Variants in RNF150 observed in about 807,000 individuals in gnomAD.
RNF150 encodes the protein ring finger protein 150.
A neutral mutation model predicts 39.3 loss-of-function variants in RNF150; 24 were observed. The observed-to-expected ratio is 0.61, with a 90% CI of 0.44 to 0.86. The LOEUF is 0.86. RNF150 is among the 40% of genes least tolerant of loss of function. The pLI, the probability that RNF150 is intolerant of heterozygous loss-of-function variation, is 0.00. For missense variants in RNF150, 502 were observed against 587.8 expected (o/e 0.85, Z 1.51); for synonymous variants, 255 against 227.3 (o/e 1.12, Z -1.10).
rs1315231833 is a variant in RNF150 at position 141,132,837 on chromosome 4, C to T, written c.-29G>A. The T allele has an allele frequency of 6.3e-7, 1 of 1,583,312 alleles. No homozygotes were observed. On this transcript the variant is annotated 5_prime_UTR_variant, in exon 1 of 7. Transcript: ENST00000515673. The surrounding 1 kb of genome is among the most constrained non-coding windows in gnomAD (Gnocchi z 4.9). Reference sequence around the variant, plus strand: ...TATCCGCCGGGGCCCCCTCCCCGCCCCCGCGCCCTCCCTCCGTCCCGTCCC... The same window carrying T: ...TATCCGCCGGGGCCCCCTCCCCGCCTCCGCGCCCTCCCTCCGTCCCGTCCC...
intron 1 of RNF150, among the ~76,000 whole-genome samples, chr4:141,071,971 G>A (rs1737723861): frequency 1.3e-5 from 2 of 152,188 alleles, no homozygotes; most frequent in South Asian, 2.1e-4. Context: ...TTCTAGGGCA[G>A]TACTATTTAA....
chr4:141,081,976 C>G (rs1461777439), intron 1 of RNF150, among the ~76,000 whole-genome samples: 1 of 152,232 alleles, frequency 6.6e-6, no homozygotes, highest in South Asian at 2.1e-4. Context: ...GCATTCAATA[C>G]TGTTTCACTG....
intron 1 of RNF150, among the ~76,000 whole-genome samples, chr4:141,076,076 T>C (rs1410655039): frequency 6.6e-6 from 1 of 152,182 alleles, no homozygotes; most frequent in Non-Finnish European, 1.5e-5. Flanking sequence ...CATTAAAACA[T>C]TACATATCTT....
intron 1 of RNF150, among the ~76,000 whole-genome samples, chr4:141,172,292 C>T (rs1248042445): frequency 6.6e-6 from 1 of 152,134 alleles, no homozygotes; most frequent in African/African-American, 2.4e-5. Flanking sequence ...CTCTTACCAC[C>T]TAAGCTTGGA....
chr4:141,071,516 T>C (rs757981980), intron 1 of RNF150, among the ~76,000 whole-genome samples: 5 of 151,590 alleles, frequency 3.3e-5, no homozygotes, highest in African/African-American at 4.8e-5. Context: ...AGGGAGGGAT[T>C]GAGGGAGGGA....
chr4:141,149,360 A>G (rs1042293646), intron 1 of RNF150, among the ~76,000 whole-genome samples: 7 of 146,520 alleles, frequency 4.8e-5, no homozygotes, highest in African/African-American at 7.5e-5. Context: ...CCTATACCCA[A>G]TGTGTAGCTT....
chr4:140,899,556 G>T (rs1182148264), intron 6 of RNF150, among the ~76,000 whole-genome samples: 1 of 152,062 alleles, frequency 6.6e-6, no homozygotes, highest in Non-Finnish European at 1.5e-5. Context: ...TGGTGTGTGT[G>T]TGCATGTGTG....
intron 1 of RNF150, among the ~76,000 whole-genome samples, chr4:141,131,222 T>C (rs1264143119): frequency 6.6e-6 from 1 of 152,258 alleles, no homozygotes; most frequent in Non-Finnish European, 1.5e-5. Flanking sequence ...AACTATTTAT[T>C]CAAATTTGGT....
At chr4:141,120,145 T>C (rs181304532) in intron 1 of RNF150, among the ~76,000 whole-genome samples, 3 of 152,356 alleles carry the variant, frequency 2.0e-5, no homozygotes, top group Admixed American at 6.5e-5. Context: ...GGAGTTTATA[T>C]TCCCATGTGG....
chr4:140,965,904 C>A (rs1733222051), intron 2 of RNF150, among the ~76,000 whole-genome samples: 1 of 152,034 alleles, frequency 6.6e-6, no homozygotes, highest in South Asian at 2.1e-4. Context: ...ATTTTACCTG[C>A]TCTTGTCATC....
At position 140,863,653 on chromosome 4, in the gene RNF150, A is replaced by G. The variant is rs1391758956; in HGVS notation, c.*4608T>C. 6.6e-6 allele frequency: 1 copy of G among 152,190 alleles called. No individual in the cohort carries two copies. The highest frequency in any genetic ancestry group is 6.5e-5 in the Admixed American group (1 of 15,280). 9.4% of individuals were successfully genotyped at this position (152,190 alleles called of 1,614,324 possible). On this transcript the variant is annotated 3_prime_UTR_variant, in exon 7 of 7. Transcript: ENST00000515673. ...AAAATAATTTATGTATGGGTATACA[A>G]AGTAAGATATAGGCAGTCAGAGAAA...
At chr4:140,984,388 T>C (rs757912538) in intron 1 of RNF150, among the ~76,000 whole-genome samples, 3 of 152,038 alleles carry the variant, frequency 2.0e-5, no homozygotes, top group Non-Finnish European at 4.4e-5. Flanking sequence ...GTGAACAGAG[T>C]CTATAAATCT....
chr4:141,111,217 C>A (rs1739375385), intron 1 of RNF150, among the ~76,000 whole-genome samples: 1 of 152,184 alleles, frequency 6.6e-6, no homozygotes, highest in Non-Finnish European at 1.5e-5. Context: ...GTTTTCCTCC[C>A]AACTGTATTG....
intron 4 of RNF150, among the ~76,000 whole-genome samples, chr4:140,943,925 AG>A (rs1225494862): frequency 1.3e-5 from 2 of 152,226 alleles, no homozygotes; most frequent in Non-Finnish European, 2.9e-5. Flanking sequence ...AATTAGAGAT[AG>A]GAGGAATTTT....
chr4:140,896,796 G>T (rs147055704), intron 6 of RNF150, among the ~76,000 whole-genome samples: 1 of 151,474 alleles, frequency 6.6e-6, no homozygotes, highest in Admixed American at 6.6e-5. Context: ...CTAGAATTAC[G>T]GCTTATGCTA....
At chr4:141,106,624 C>T (rs1341000124) in intron 1 of RNF150, among the ~76,000 whole-genome samples, 1 of 152,044 alleles carries the variant, frequency 6.6e-6, no homozygotes, top group Non-Finnish European at 1.5e-5. Flanking sequence ...AAAGCCCCAT[C>T]TCTACTAAAA....
chr4:141,143,596 G>A (rs563135853), intron 1 of RNF150, among the ~76,000 whole-genome samples: 1 of 152,328 alleles, frequency 6.6e-6, no homozygotes, highest in Admixed American at 6.5e-5. Flanking sequence ...CACACGGCAA[G>A]TCAGTGGACT....
rs537813866 is a variant in RNF150 at position 141,058,837 on chromosome 4, G to A, written c.484+73488C>T. Among the ~76,000 whole-genome samples the A allele has an allele frequency of 1.1e-4, 16 of 152,292 alleles. No homozygotes were observed. The South Asian group carries it at 3.3e-3, about 32-fold the overall frequency. On this transcript the variant is annotated intron_variant, in intron 1 of 6. Coordinates refer to ENST00000515673, the MANE Select transcript of RNF150 (RefSeq NM_020724.2). ...CCCACCACTCCCGACTAGATAAAGTGTCTGGAAGGCACCAATTGTGTCCTT... is the reference window on the plus strand; with the variant it reads ...CCCACCACTCCCGACTAGATAAAGTATCTGGAAGGCACCAATTGTGTCCTT...
intron 1 of RNF150, among the ~76,000 whole-genome samples, chr4:141,067,441 G>C (rs1737505320): frequency 6.6e-6 from 1 of 152,094 alleles, no homozygotes; most frequent in African/African-American, 2.4e-5. Flanking sequence ...GGTATTCCTT[G>C]GACTCATCAA....
Sources: gnomAD v4.1 joint callset for allele counts (sites outside exome capture counted in the v4.1 genomes callset) on GRCh38, gnomAD v4.1.1 for gene constraint, Gnocchi (gnomAD v3.1) non-coding constraint, MANE v1.5 for transcripts, NCBI Gene and HGNC (gene_info 2026-07-23, HGNC 2026-07-21) for gene names.